TRIM2: variants seen among roughly 807,000 people sequenced by gnomAD.
The protein encoded by TRIM2 is tripartite motif-containing protein 2.
In TRIM2, 20 loss-of-function variants were observed where a neutral mutation model predicts 75.2. The ratio of observed to expected loss-of-function variants is 0.27; its 90% CI spans 0.19 to 0.39. The LOEUF is 0.39. Among genes scored for constraint, TRIM2 ranks in the 10% least tolerant of loss-of-function variants. TRIM2 has a pLI of 1.00. For synonymous variants in TRIM2, 373 were observed against 388.3 expected, an observed-to-expected ratio of 0.96 and a Z score of 0.46; for missense variants, 660 against 990.8, an observed-to-expected ratio of 0.67 and a Z score of 4.48.
intron 1 of TRIM2, among the ~76,000 whole-genome samples, chr4:153,172,396 C>T (rs1408812050): frequency 2.0e-5 from 3 of 152,084 alleles, no homozygotes; most frequent in African/African-American, 7.2e-5. Flanking sequence ...ACCATGTTAG[C>T]CAGGATGGTC....
intron 1 of TRIM2, among the ~76,000 whole-genome samples, chr4:153,158,448 C>T (rs1729438782): frequency 6.6e-6 from 1 of 151,958 alleles, no homozygotes; most frequent in Non-Finnish European, 1.5e-5. Context: ...AATTCTCCTC[C>T]TAAGGTATAG....
At chr4:153,244,437 T>TCTTCTTCTTCTTCCTCTTCTTCTTC (rs1206105496) in intron 1 of TRIM2, among the ~76,000 whole-genome samples, 2 of 102,592 alleles carry the variant, frequency 1.9e-5, no homozygotes, top group African/African-American at 5.4e-5. Context: ...TTCTTCTTCT[T>TCTTCTTCTTCTTCCTCTTCTTCTTC]TTAATTAGAG....
Position 153,218,660 on chromosome 4 carries a change from G to A in TRIM2, c.30+14100G>A, listed in dbSNP as rs113809030. Among the ~76,000 whole-genome samples, 842 of 152,202 alleles carry A rather than the reference G, an allele frequency of 5.5e-3. 5 individuals are homozygous for A. Among genetic ancestry groups the A allele is most frequent in the African/African-American group, 0.019 (789 of 41,520 alleles). Reference sequence around the variant, plus strand: ...ACCCTTTCCGTATAGTATTTCCTGGGCTTTAGGAAGTGCTCTCTCATTTTT... The same window carrying A: ...ACCCTTTCCGTATAGTATTTCCTGGACTTTAGGAAGTGCTCTCTCATTTTT... On this transcript the variant is annotated intron_variant, in intron 1 of 11. Coordinates refer to ENST00000338700, the MANE Select transcript of TRIM2 (RefSeq NM_015271.5).
intron 1 of TRIM2, among the ~76,000 whole-genome samples, chr4:153,242,319 T>TTTTTTGTCTTGTATC (rs1746849374): frequency 1.2e-5 from 1 of 83,906 alleles, no homozygotes; most frequent in African/African-American, 9.5e-5. Flanking sequence ...GTCTTGTATC[T>TTTTTTGTCTTGTATC]TTTTTTTTTT....
chr4:153,162,124 C>T (rs1427552085), intron 1 of TRIM2, among the ~76,000 whole-genome samples: 1 of 152,136 alleles, frequency 6.6e-6, no homozygotes, highest in African/African-American at 2.4e-5. Flanking sequence ...GGCATTTAGT[C>T]ATTTAGCTTA....
At chr4:153,167,291 A>G (rs1348013731) in intron 1 of TRIM2, among the ~76,000 whole-genome samples, 1 of 152,234 alleles carries the variant, frequency 6.6e-6, no homozygotes, top group African/African-American at 2.4e-5. Context: ...AAAGGAATAC[A>G]ATTGCACACA....
intron 1 of TRIM2, among the ~76,000 whole-genome samples, chr4:153,189,499 T>A (rs1006220909): frequency 1.3e-5 from 2 of 152,172 alleles, no homozygotes; most frequent in Non-Finnish European, 2.9e-5. Context: ...GGTGTGTACT[T>A]GTCTGTGATG....
chr4:153,315,474 ATTTAT>A lies in TRIM2; in HGVS notation c.1511-6_1511-2del. ...AGTGCTTAATTTTTATGATTTTATCATTTATTTTAGGTACCAAAGGAAGAAATAAA... is the reference window on the plus strand; with the variant it reads ...AGTGCTTAATTTTTATGATTTTATCATTTAGGTACCAAAGGAAGAAATAAA... On this transcript the variant is annotated splice_polypyrimidine_tract_variant and splice_region_variant and intron_variant, in intron 6 of 11. Coordinates refer to ENST00000338700, the MANE Select transcript of TRIM2 (RefSeq NM_015271.5). 1.3e-6 allele frequency: 2 copies of A among 1,585,824 alleles called. No individual in the cohort carries two copies. Among genetic ancestry groups the A allele is most frequent in the Non-Finnish European group, 1.7e-6 (2 of 1,168,440 alleles).
intron 1 of TRIM2, among the ~76,000 whole-genome samples, chr4:153,180,422 T>C (rs994468393): frequency 3.9e-5 from 6 of 152,248 alleles, no homozygotes; most frequent in African/African-American, 1.4e-4. Flanking sequence ...CCCCTGGTCC[T>C]GAGGCTTAGC....
intron 1 of TRIM2, among the ~76,000 whole-genome samples, chr4:153,168,602 A>G (rs1055107546): frequency 6.6e-6 from 1 of 152,124 alleles, no homozygotes; most frequent in African/African-American, 2.4e-5. Flanking sequence ...TTTAAGGGAA[A>G]TAACTCGAAA....
At chr4:153,208,178 G>A (rs936459319) in intron 1 of TRIM2, among the ~76,000 whole-genome samples, 6 of 152,062 alleles carry the variant, frequency 3.9e-5, no homozygotes, top group Admixed American at 3.9e-4. Context: ...CACACCTGTG[G>A]TCTCAGCTAC....
At chr4:153,242,318 C>CTT (rs56401547) in intron 1 of TRIM2, among the ~76,000 whole-genome samples, 43 of 147,826 alleles carry the variant, frequency 2.9e-4, no homozygotes, top group South Asian at 1.5e-3. Flanking sequence ...TGTCTTGTAT[C>CTT]TTTTTTTTTT....
chr4:153,221,823 GAAATGA>G (rs1740211453), intron 1 of TRIM2, among the ~76,000 whole-genome samples: 1 of 125,240 alleles, frequency 8.0e-6, no homozygotes, highest in African/African-American at 3.1e-5. Context: ...AGGGAGGGAG[GAAATGA>G]AGGAAGGAAG....
In TRIM2 at chr4:153,259,257, C is replaced by G. The variant is rs187854489; in HGVS notation, c.31-11078C>G. Among the ~76,000 whole-genome samples the G allele has an allele frequency of 2.7e-3, 404 of 152,166 alleles. 6 individuals carry two copies. Among genetic ancestry groups the G allele is most frequent in the African/African-American group, 9.2e-3 (384 of 41,528 alleles). ...ATGACTTAATTTTTTTTTATTATAACAAAAGCTTCATGGATTTTGTTGCTT... is the reference window on the plus strand; with the variant it reads ...ATGACTTAATTTTTTTTTATTATAAGAAAAGCTTCATGGATTTTGTTGCTT... On this transcript the variant is annotated intron_variant, in intron 1 of 11. Coordinates refer to ENST00000338700, the MANE Select transcript of TRIM2 (RefSeq NM_015271.5).
chr4:153,299,702 T>C (rs959275039), intron 6 of TRIM2, among the ~76,000 whole-genome samples: 14 of 152,124 alleles, frequency 9.2e-5, no homozygotes, highest in African/African-American at 2.4e-4. Flanking sequence ...ACCTGCTCTG[T>C]CCTGACTCAT....
Position 153,338,592 on chromosome 4 carries a change from C to A in TRIM2, c.*3626C>A. The A allele has an allele frequency of 1.0e-6, 1 of 984,430 alleles. No homozygotes were observed. Among genetic ancestry groups the A allele is most frequent in the Non-Finnish European group, 1.2e-6 (1 of 828,998 alleles). 61.0% of individuals were successfully genotyped at this position (984,430 alleles called of 1,614,324 possible). A position where few individuals can be genotyped will look rare whatever the true frequency, so the allele number is the denominator to read the frequency against. On this transcript the variant is annotated 3_prime_UTR_variant, in exon 12 of 12. Coordinates refer to ENST00000338700, the MANE Select transcript of TRIM2 (RefSeq NM_015271.5). ...GTATTGCCATAAAGGAAACTAAGTG[C>A]CCATCAAAGATTTGTTTGGTATAAA... is the stretch of plus-strand genomic sequence containing the variant.
chr4:153,184,821 G>C (rs1470034016), intron 1 of TRIM2, among the ~76,000 whole-genome samples: 1 of 152,148 alleles, frequency 6.6e-6, no homozygotes, highest in Non-Finnish European at 1.5e-5. Context: ...TCATCAGAAG[G>C]AAAGCACATG....
chr4:153,249,236 C>G (rs1409544787), intron 1 of TRIM2, among the ~76,000 whole-genome samples: 1 of 152,264 alleles, frequency 6.6e-6, no homozygotes, highest in Non-Finnish European at 1.5e-5. Context: ...GGCGCGCAAT[C>G]GCCATCTGGG....
At chr4:153,334,342 A>G (rs766312270) in intron 11 of TRIM2, among the ~76,000 whole-genome samples, 9 of 151,910 alleles carry the variant, frequency 5.9e-5, no homozygotes, top group Non-Finnish European at 1.2e-4. Flanking sequence ...AGACATATCC[A>G]TAGATGGATA....
Sources: gnomAD v4.1 joint callset for allele counts (sites outside exome capture counted in the v4.1 genomes callset) on GRCh38, gnomAD v4.1.1 for gene constraint, MANE v1.5 for transcripts, NCBI Gene and HGNC (gene_info 2026-07-23, HGNC 2026-07-21) for gene names.